The following MTOR variants were observed in gnomAD, a reference collection of about 807,000 sequenced individuals.
The protein encoded by MTOR is mechanistic target of rapamycin kinase, also known as serine/threonine-protein kinase mTOR.
A neutral mutation model predicts 319.8 loss-of-function variants in MTOR; 70 were observed. The observed-to-expected ratio is 0.22, with a 90% confidence interval of 0.18 to 0.27. The LOEUF is 0.27. MTOR is among the 10% of genes least tolerant of loss of function. MTOR has a pLI of 1.00. For missense variants in MTOR, 1,890 were observed against 3,274.4 expected (o/e 0.58, Z 10.32); for synonymous variants, 1,183 against 1,211.4 (o/e 0.98, Z 0.49).
chr1:11,259,598 G>A (rs917031151), intron 1 of MTOR, among the ~76,000 whole-genome samples, 175 bp from the exon 2 acceptor site: 1 of 152,196 alleles, frequency 6.6e-6, no homozygotes, highest in Non-Finnish European at 1.5e-5. Flanking sequence ...ATTAAACAAT[G>A]ACTGATGTTT....
intron 31 of MTOR, 64 bp downstream of exon 31, chr1:11,150,062 C>T: frequency 6.9e-7 from 1 of 1,456,040 alleles, no homozygotes; most frequent in Non-Finnish European, 9.6e-7. Flanking sequence ...CCTTACTCTT[C>T]TGATGCGAGC....
intron 28 of MTOR, among the ~76,000 whole-genome samples, chr1:11,197,733 G>T (rs1232741518): frequency 6.6e-6 from 1 of 152,096 alleles, no homozygotes; most frequent in African/African-American, 2.4e-5. Context: ...GTAGAGATGG[G>T]TGTTTCACCA....
rs1642942062 is a variant in MTOR, at chr1:11,128,201, A to T, written c.5911-75T>A. On this transcript the variant is annotated intron_variant, in intron 42 of 57. Transcript: ENST00000361445. This position sits in a 1 kb window ranked among gnomAD's most constrained non-coding sequence, Gnocchi z 5.3. ...AGAGCTGGTATGAATTTTAAGGAGA[A>T]TAACAAAACAAGTGGTGAGTGTGAC... 1 of 1,575,164 alleles carries T rather than the reference A, an allele frequency of 6.3e-7. No individual in the cohort carries two copies.
chr1:11,240,622 C>A (rs1459739228), intron 10 of MTOR, 75 bp from the exon 11 acceptor site: 4 of 1,540,044 alleles, frequency 2.6e-6, no homozygotes, highest in Non-Finnish European at 3.5e-6. Context: ...AAACAGCTTT[C>A]TCTCCCAGCA....
intron 26 of MTOR, among the ~76,000 whole-genome samples, chr1:11,201,088 G>A (rs573714235): frequency 6.6e-6 from 1 of 152,182 alleles, no homozygotes; most frequent in East Asian, 1.9e-4. Flanking sequence ...TGGTGACTTG[G>A]GAGGCTGAGG....
At chr1:11,190,439 G>A (rs1285701347) in intron 28 of MTOR, among the ~76,000 whole-genome samples, 1 of 152,248 alleles carries the variant, frequency 6.6e-6, no homozygotes, top group African/African-American at 2.4e-5. Context: ...CTCTGTAAAC[G>A]TAACTCTTCT....
intron 38 of MTOR, chr1:11,132,392 C>T (rs1237266000): frequency 6.6e-6 from 1 of 152,260 alleles, no homozygotes; most frequent in Non-Finnish European, 1.5e-5. Context: ...AGTGCTTCTG[C>T]AGTCCTCAGA....
chr1:11,200,504 G>C (rs1010903964), intron 26 of MTOR, among the ~76,000 whole-genome samples: 2 of 152,156 alleles, frequency 1.3e-5, no homozygotes, highest in African/African-American at 2.4e-5. Flanking sequence ...CATTAATTCT[G>C]TCCTCCCCAC....
rs1253797420 is a variant in MTOR, at chr1:11,233,011, A to T, written c.2421+387T>A. On this transcript the variant is annotated intron_variant, in intron 15 of 57. Transcript: ENST00000361445. ...ATTAAGCAATTCCTGGCCAAGAAAC[A>T]AAAGTAAAATCGTCCCATTCCCCAG... 12 of 963,526 alleles carry T rather than the reference A, an allele frequency of 1.2e-5. No individual in the cohort carries two copies. In the South Asian group the frequency reaches 1.4e-4, roughly 11 times the overall value. The allele number at this position is 963,526 out of a possible 1,614,324, so 59.7% of individuals were successfully genotyped here.
At chr1:11,188,230 C>A (rs1014795313) in intron 28 of MTOR, among the ~76,000 whole-genome samples, 6 of 152,138 alleles carry the variant, frequency 3.9e-5, no homozygotes, top group Admixed American at 2.0e-4. Context: ...GACAGAGGAA[C>A]CTTTGTATAG....
Position 11,237,793 on chromosome 1 carries a change from G to A in MTOR, c.2208+50C>T, listed in dbSNP as rs763026037. The A allele has an allele frequency of 1.9e-6, 3 of 1,599,842 alleles. No individual in the cohort carries two copies. In the Admixed American group the frequency reaches 5.0e-5, roughly 27 times the overall value. On this transcript the variant is annotated intron_variant, in intron 13 of 57. Transcript: ENST00000361445. ...TCCGCTTCCTCAAGCAGTTCTCACA[G>A]CGAGAGTCCTGTCTTCCCTGCCTGT...
chr1:11,114,553 C>T (rs2100319333), intron 52 of MTOR, 100 bp from the exon 53 acceptor site: 1 of 1,512,974 alleles, frequency 6.6e-7, no homozygotes, highest in African/African-American at 1.4e-5. Context: ...CAGACACAGG[C>T]CATGTTGACG....
chr1:11,128,451 T>C lies in MTOR; in HGVS notation c.5910+3A>G. The stretch of plus-strand genomic sequence containing the variant: ...TGAGAAACTGCCCAGAGTCTCCACA[T>C]ACCTGGGGGTGGTACCGACCAATGT... On this transcript the variant is annotated splice_donor_region_variant and intron_variant, in intron 42 of 57. Transcript: ENST00000361445. This position sits in a 1 kb window ranked among gnomAD's most constrained non-coding sequence, Gnocchi z 5.3. 4 of 1,613,544 alleles carry C rather than the reference T, an allele frequency of 2.5e-6. No homozygotes were observed. Among genetic ancestry groups the C allele is most frequent in the Non-Finnish European group, 3.4e-6 (4 of 1,179,510 alleles).
chr1:11,198,918 C>T (rs1409976550), intron 28 of MTOR, among the ~76,000 whole-genome samples: 5 of 152,218 alleles, frequency 3.3e-5, no homozygotes, highest in South Asian at 4.1e-4. Context: ...CATTCTACTC[C>T]AGCTCTAGAC....
At position 11,216,263 on chromosome 1, in the gene MTOR, GTA is replaced by G. The variant is rs762958367; in HGVS notation, c.3031-31_3031-30del. The G allele has an allele frequency of 5.6e-5, 88 of 1,568,064 alleles. No individual in the cohort carries two copies. The Middle Eastern group carries it at 6.7e-4, about 12-fold the overall frequency. On this transcript the variant is annotated intron_variant, in intron 19 of 57. Coordinates refer to ENST00000361445, the MANE Select transcript of MTOR (RefSeq NM_004958.4). ...AAATGGACAAGAGGTCAACCAGCTG[GTA>G]TCATGAAGGACATTGAACCCCCAGG...
chr1:11,248,578 A>G (rs1049863703), intron 6 of MTOR, among the ~76,000 whole-genome samples: 1 of 152,070 alleles, frequency 6.6e-6, no homozygotes, highest in Non-Finnish European at 1.5e-5. Flanking sequence ...TTGGGAGGCC[A>G]AGGTGGGCAG....
chr1:11,176,373 G>C (rs965330375), intron 28 of MTOR, among the ~76,000 whole-genome samples: 4 of 152,162 alleles, frequency 2.6e-5, no homozygotes, highest in African/African-American at 9.7e-5. Flanking sequence ...ACAAGGCGGC[G>C]CCTGTCGGAA....
intron 49 of MTOR, among the ~76,000 whole-genome samples, chr1:11,120,453 G>A (rs146413101): frequency 0.051 from 7,748 of 151,708 alleles, 267 homozygotes; most frequent in South Asian, 0.12. Context: ...CAGGAGAATC[G>A]CTTGAACCCA....
intron 56 of MTOR, among the ~76,000 whole-genome samples, chr1:11,108,825 T>C (rs935549312): frequency 6.6e-6 from 1 of 151,096 alleles, no homozygotes; most frequent in African/African-American, 2.4e-5. Context: ...TGAAACCCCA[T>C]CTCTACTAAA....
Sources: gnomAD v4.1 joint callset for allele counts (sites outside exome capture counted in the v4.1 genomes callset) on GRCh38, gnomAD v4.1.1 for gene constraint, Gnocchi (gnomAD v3.1) non-coding constraint, MANE v1.5 for transcripts, NCBI Gene and HGNC (gene_info 2026-07-23, HGNC 2026-07-21) for gene names.